Variants in SIK3 observed in about 807,000 individuals in gnomAD.
SIK3 encodes SIK family kinase 3.
SIK3 carries 28 observed loss-of-function variants against 144.2 expected under a neutral mutation model. The ratio of observed to expected loss-of-function variants is 0.19; its 90% CI spans 0.14 to 0.27. The LOEUF (loss-of-function observed/expected upper bound fraction) is 0.27. SIK3 is among the 10% of genes least tolerant of loss of function. The pLI is 1.00. For missense variants in SIK3, 1,319 were observed against 1,776.0 expected, an observed-to-expected ratio of 0.74 and a Z score of 4.62; for synonymous variants, 686 against 676.3, an observed-to-expected ratio of 1.01 and a Z score of -0.22.
chr11:116,875,014 C>A, intron 11 of SIK3, 144 bp downstream of exon 11: 1 of 637,402 alleles, frequency 1.6e-6, no homozygotes, highest in Non-Finnish European at 2.8e-6. Context: ...ACATAAGTTA[C>A]ATCATATCAT....
Position 116,863,750 on chromosome 11 carries a change from G to A in SIK3, c.2021C>T (p.Ser674Leu), listed in dbSNP as rs1454190473. The stretch of plus-strand genomic sequence containing the variant: ...GGCCTGGATGCTCGCAGCCCCATCT[G>A]AGAACCGGCGCACAGGGGAGAAACG... Reference protein sequence around the residue: ...TERFSPVRRFSDGAASIQAFK... With the variant: ...TERFSPVRRFLDGAASIQAFK... The change falls in exon 16 of 25, where the codon TCA becomes TTA. Residue 674 changes from serine (S) to leucine (L), a missense_variant. This residue lies in a region of SIK3 where 77 missense variants were observed against 141.9 expected (regional missense o/e 0.54). Coordinates refer to ENST00000445177, the MANE Select transcript of SIK3 (RefSeq NM_001366686.3). 6.2e-7 allele frequency: 1 copy of A among 1,614,034 alleles called. No individual in the cohort carries two copies. Among genetic ancestry groups the A allele is most frequent in the Non-Finnish European group, 8.5e-7 (1 of 1,180,042 alleles).
chr11:117,073,262 T>C (rs1591653711), intron 1 of SIK3, among the ~76,000 whole-genome samples: 1 of 152,240 alleles, frequency 6.6e-6, no homozygotes, highest in East Asian at 1.9e-4. Flanking sequence ...CCAATGCTCA[T>C]TTTCCTTAGC....
intron 4 of SIK3, among the ~76,000 whole-genome samples, chr11:116,911,719 A>G (rs1256359276): frequency 3.9e-5 from 6 of 152,250 alleles, no homozygotes; most frequent in Admixed American, 1.3e-4. Context: ...ACATTATTCT[A>G]TAACTAAAAT....
chr11:117,002,587 C>A (rs79606671), intron 1 of SIK3, among the ~76,000 whole-genome samples: 1 of 152,006 alleles, frequency 6.6e-6, no homozygotes, highest in Admixed American at 6.6e-5. Flanking sequence ...TCATTCTACA[C>A]AATAAGCCTG....
At chr11:116,995,759 G>A (rs745686828) in intron 1 of SIK3, among the ~76,000 whole-genome samples, 2 of 152,086 alleles carry the variant, frequency 1.3e-5, no homozygotes, top group Non-Finnish European at 2.9e-5. Flanking sequence ...TTCAGGGGAG[G>A]AATGGCATCT....
At chr11:117,022,950 T>A (rs1951838313) in intron 1 of SIK3, among the ~76,000 whole-genome samples, 1 of 152,162 alleles carries the variant, frequency 6.6e-6, no homozygotes, top group African/African-American at 2.4e-5. Flanking sequence ...AATACATAAC[T>A]GGATCTATTT....
At chr11:116,881,504 G>T (rs1460081267) in intron 6 of SIK3, among the ~76,000 whole-genome samples, 1 of 152,132 alleles carries the variant, frequency 6.6e-6, no homozygotes, top group Non-Finnish European at 1.5e-5. Flanking sequence ...AGTTGACATA[G>T]CCAGTGTGAG....
At chr11:116,995,098 T>TCCAC (rs751735883) in intron 1 of SIK3, among the ~76,000 whole-genome samples, 151,883 of 151,892 alleles carry the variant, frequency 1, 75,937 homozygotes, top group Middle Eastern at 1. Context: ...TGAAACCTTG[T>TCCAC]CTCTACAAAA....
In SIK3 at chr11:116,995,474, G is replaced by A. The variant is rs1054074289; in HGVS notation, c.274-38410C>T. On this transcript the variant is annotated intron_variant, in intron 1 of 24. Transcript: ENST00000445177. ...GACAAGGTTTCACTATGTTGCCCAGGCTGGTCCCAAACTCCTGCGCTCAAG... is the reference window on the plus strand; with the variant it reads ...GACAAGGTTTCACTATGTTGCCCAGACTGGTCCCAAACTCCTGCGCTCAAG... 4.0e-5 allele frequency among the ~76,000 whole-genome samples: 6 copies of A among 151,868 alleles called. 1 individual carries two copies. Among genetic ancestry groups the A allele is most frequent in the African/African-American group, 1.5e-4 (6 of 41,378 alleles).
intron 4 of SIK3, among the ~76,000 whole-genome samples, chr11:116,906,283 G>A (rs905746919): frequency 1.3e-5 from 2 of 152,138 alleles, no homozygotes; most frequent in Admixed American, 1.3e-4. Flanking sequence ...GAGAAGTAGA[G>A]AATATGGCCC....
intron 3 of SIK3, among the ~76,000 whole-genome samples, chr11:116,930,650 C>G (rs1947550356): frequency 1.3e-5 from 2 of 152,302 alleles, no homozygotes; most frequent in South Asian, 4.1e-4. Flanking sequence ...CAGAGTTGTT[C>G]TGCTTCTTCC....
At position 116,947,531 on chromosome 11, in the gene SIK3, A is replaced by ATATGTATG. The variant is rs748760831; in HGVS notation, c.454+6505_454+6512dup. ...TTTAGCTAGGGAAATATATATATAT[A>ATATGTATG]TATGTATGTATGTATGTATGTATGT... On this transcript the variant is annotated intron_variant, in intron 3 of 24. Coordinates refer to ENST00000445177, the MANE Select transcript of SIK3 (RefSeq NM_001366686.3). Among the ~76,000 whole-genome samples, 1,147 of 124,654 alleles carry ATATGTATG rather than the reference A, an allele frequency of 9.2e-3. 84 individuals carry two copies. Among genetic ancestry groups the ATATGTATG allele is most frequent in the Middle Eastern group, 0.012 (3 of 246 alleles). 81.8% of individuals were successfully genotyped at this position (124,654 alleles called of 152,430 possible). A position where few individuals can be genotyped will look rare whatever the true frequency, so the allele number is the denominator to read the frequency against.
intron 4 of SIK3, among the ~76,000 whole-genome samples, chr11:116,912,466 A>T (rs1946399433): frequency 6.6e-6 from 1 of 152,202 alleles, no homozygotes; most frequent in Admixed American, 6.5e-5. Context: ...TTTTTTGGCT[A>T]ACCAAAGAAC....
At chr11:117,032,578 C>T (rs1354227420) in intron 1 of SIK3, among the ~76,000 whole-genome samples, 2 of 152,066 alleles carry the variant, frequency 1.3e-5, no homozygotes, top group Admixed American at 1.3e-4. Context: ...ATGATCATAG[C>T]TCACTACAAC....
intron 1 of SIK3, among the ~76,000 whole-genome samples, chr11:117,080,140 G>C (rs1018283532): frequency 2.0e-5 from 3 of 152,092 alleles, no homozygotes; most frequent in Non-Finnish European, 2.9e-5. Flanking sequence ...ACAACCAACA[G>C]ACAAATTAAA....
At chr11:117,011,410 T>C (rs1242600756) in intron 1 of SIK3, among the ~76,000 whole-genome samples, 1 of 152,148 alleles carries the variant, frequency 6.6e-6, no homozygotes, top group African/African-American at 2.4e-5. Flanking sequence ...CAAGAGATGA[T>C]TTGGGATGAG....
intron 4 of SIK3, among the ~76,000 whole-genome samples, chr11:116,908,558 CA>C (rs1256139041): frequency 1.3e-5 from 2 of 151,714 alleles, no homozygotes; most frequent in Non-Finnish European, 2.9e-5. Context: ...TCCAGACTAT[CA>C]AAAAGAAACA....
At chr11:116,952,114 G>A (rs113158462) in intron 3 of SIK3, among the ~76,000 whole-genome samples, 10 of 151,864 alleles carry the variant, frequency 6.6e-5, no homozygotes, top group Admixed American at 1.3e-4. Flanking sequence ...AATAAATGTC[G>A]TTCTATGAAA....
chr11:117,035,984 C>T (rs1347710612), intron 1 of SIK3: 18 of 1,559,056 alleles, frequency 1.2e-5, no homozygotes, highest in Middle Eastern at 2.3e-4. Flanking sequence ...CTGCACCAGG[C>T]GTTTCTTCTT....
Sources: gnomAD v4.1 joint callset for allele counts (sites outside exome capture counted in the v4.1 genomes callset) on GRCh38, gnomAD v4.1.1 for gene constraint, gnomAD v4.1.1 regional missense constraint, MANE v1.5 for transcripts, NCBI Gene and HGNC (gene_info 2026-07-23, HGNC 2026-07-21) for gene names.